Variants in NCAM2 observed in about 807,000 individuals in gnomAD.
The protein encoded by NCAM2 is neural cell adhesion molecule 2.
In NCAM2, 30 loss-of-function variants were observed where a neutral mutation model predicts 98.1. That is an observed-to-expected ratio of 0.31 (90% CI 0.23 to 0.41). NCAM2 has a LOEUF of 0.41. NCAM2 is among the 10% of genes least tolerant of loss of function. The probability of loss-of-function intolerance (pLI) is 1.00; values close to 1 mark genes in which losing one functional copy is unlikely to be tolerated. For missense variants in NCAM2, 867 were observed against 1,005.8 expected (o/e 0.86, Z 1.87); for synonymous variants, 368 against 342.4 (o/e 1.07, Z -0.83).
intron 1 of NCAM2, among the ~76,000 whole-genome samples, chr21:21,100,543 C>T (rs1400235332): frequency 2.0e-5 from 3 of 151,988 alleles, no homozygotes; most frequent in Non-Finnish European, 4.4e-5. Flanking sequence ...TAGCTAAAAG[C>T]GACTGAGTTT....
intron 16 of NCAM2, among the ~76,000 whole-genome samples, chr21:21,517,141 A>G (rs1302587185): frequency 6.6e-6 from 1 of 152,164 alleles, no homozygotes; most frequent in African/African-American, 2.4e-5. Context: ...TCAATGGAAT[A>G]AGTATATTTC....
intron 1 of NCAM2, among the ~76,000 whole-genome samples, chr21:21,216,129 T>A (rs2069889247): frequency 6.6e-6 from 1 of 152,112 alleles, no homozygotes; most frequent in Admixed American, 6.5e-5. Context: ...AGATAGTCAA[T>A]AAATAACTAG....
intron 1 of NCAM2, among the ~76,000 whole-genome samples, chr21:21,053,938 G>T (rs114609459): frequency 0.16 from 9,032 of 57,302 alleles, 283 homozygotes; most frequent in South Asian, 0.27. Flanking sequence ...TTAGGATTAA[G>T]CTATTCTTTT....
intron 1 of NCAM2, among the ~76,000 whole-genome samples, chr21:21,230,183 G>A (rs984891176): frequency 1.5e-4 from 22 of 150,862 alleles, no homozygotes; most frequent in Non-Finnish European, 1.0e-4. Flanking sequence ...AAAAAATACA[G>A]AAAATATTTA....
At chr21:21,215,017 A>T (rs376605890) in intron 1 of NCAM2, among the ~76,000 whole-genome samples, 4 of 151,878 alleles carry the variant, frequency 2.6e-5, no homozygotes, top group Non-Finnish European at 5.9e-5. Flanking sequence ...TGATTTTAGA[A>T]GTCTTTTGAA....
At chr21:21,117,897 T>A (rs780006783) in intron 1 of NCAM2, among the ~76,000 whole-genome samples, 31 of 152,170 alleles carry the variant, frequency 2.0e-4, no homozygotes, top group Non-Finnish European at 4.1e-4. Context: ...ACTAAAAAGT[T>A]TATCTAATTC....
intron 12 of NCAM2, among the ~76,000 whole-genome samples, chr21:21,440,675 TA>T (rs1432181371): frequency 7.8e-6 from 1 of 128,844 alleles, no homozygotes; most frequent in East Asian, 2.2e-4. Flanking sequence ...AAGGAAATCC[TA>T]CAACAGCAAC....
intron 5 of NCAM2, among the ~76,000 whole-genome samples, chr21:21,305,697 T>C (rs1229259350): frequency 6.6e-6 from 1 of 152,088 alleles, no homozygotes; most frequent in Non-Finnish European, 1.5e-5. Context: ...AGAAACAGCT[T>C]TTGGTTTTTC....
intron 1 of NCAM2, among the ~76,000 whole-genome samples, chr21:21,216,709 G>T (rs931983152): frequency 1.3e-5 from 2 of 152,096 alleles, no homozygotes; most frequent in African/African-American, 4.8e-5. Flanking sequence ...TGAATAAGGG[G>T]GATTTAAGGA....
At chr21:21,339,531 G>T (rs1205346298) in intron 8 of NCAM2, among the ~76,000 whole-genome samples, 1 of 151,842 alleles carries the variant, frequency 6.6e-6, no homozygotes, top group Non-Finnish European at 1.5e-5. Flanking sequence ...ATAACATTAG[G>T]CTATTACATT....
At chr21:21,151,048 C>T (rs2067433514) in intron 1 of NCAM2, among the ~76,000 whole-genome samples, 1 of 151,096 alleles carries the variant, frequency 6.6e-6, no homozygotes, top group Admixed American at 6.6e-5. Flanking sequence ...TGGGTTTTGT[C>T]TTTCAAGGAG....
intron 9 of NCAM2, among the ~76,000 whole-genome samples, chr21:21,400,429 A>G (rs1232177368): frequency 1.3e-4 from 20 of 152,034 alleles, no homozygotes; most frequent in Admixed American, 1.3e-3. Flanking sequence ...TCCTTTTCTT[A>G]TGGTCTATAT....
At chr21:21,265,617 C>T (rs557623257) in intron 1 of NCAM2, among the ~76,000 whole-genome samples, 2 of 150,882 alleles carry the variant, frequency 1.3e-5, no homozygotes, top group South Asian at 2.1e-4. Context: ...TTCACAGTAA[C>T]ATGGAGCTAG....
intron 1 of NCAM2, among the ~76,000 whole-genome samples, chr21:21,188,027 G>A (rs1008171885): frequency 7.9e-5 from 12 of 152,222 alleles, no homozygotes; most frequent in South Asian, 2.1e-4. Flanking sequence ...ATTTGACTAC[G>A]TCTGAGTGTT....
At chr21:21,179,381 C>T (rs924446747) in intron 1 of NCAM2, among the ~76,000 whole-genome samples, 1 of 152,018 alleles carries the variant, frequency 6.6e-6, no homozygotes, top group South Asian at 2.1e-4. Flanking sequence ...GTCGAGTATA[C>T]CCGAAACAAA....
intron 16 of NCAM2, among the ~76,000 whole-genome samples, chr21:21,522,632 C>T (rs202068374): frequency 1.5e-4 from 19 of 124,738 alleles, no homozygotes; most frequent in South Asian, 2.5e-4. Context: ...TTTTCTTTTT[C>T]TTTTTTTTTT....
intron 1 of NCAM2, among the ~76,000 whole-genome samples, chr21:21,076,095 C>T (rs549351750): frequency 2.7e-5 from 4 of 146,232 alleles, no homozygotes; most frequent in East Asian, 4.0e-4. Context: ...CGAGCCTGAG[C>T]GACAGAGTGA....
At chr21:21,394,872 G>T (rs2076468330) in intron 9 of NCAM2, among the ~76,000 whole-genome samples, 1 of 152,012 alleles carries the variant, frequency 6.6e-6, no homozygotes, top group African/African-American at 2.4e-5. Flanking sequence ...AACAAATGTG[G>T]GTGTATTTCT....
At chr21:21,111,843 A>G (rs2066460883) in intron 1 of NCAM2, among the ~76,000 whole-genome samples, 1 of 152,172 alleles carries the variant, frequency 6.6e-6, no homozygotes, top group Admixed American at 6.5e-5. Context: ...AGGAGCTCAA[A>G]TGGACAAGGG....
Sources: gnomAD v4.1 joint callset for allele counts (sites outside exome capture counted in the v4.1 genomes callset) on GRCh38, gnomAD v4.1.1 for gene constraint, MANE v1.5 for transcripts, NCBI Gene and HGNC (gene_info 2026-07-23, HGNC 2026-07-21) for gene names.